FMN1: variants seen among roughly 807,000 people sequenced by gnomAD.
FMN1 encodes the protein formin 1, also known as formin-1.
FMN1 carries 110 observed loss-of-function variants against 132.4 expected under a neutral mutation model. That is an observed-to-expected ratio of 0.83 (90% CI 0.71 to 0.97). The LOEUF is 0.97. FMN1 is among the 50% of genes least tolerant of loss of function. FMN1 has a pLI of 0.00. For synonymous variants in FMN1, 722 were observed against 651.7 expected (o/e 1.11, Z -1.64); for missense variants, 1,792 against 1,705.3 (o/e 1.05, Z -0.90).
At chr15:33,124,722 G>A (rs764711052) in intron 4 of FMN1, among the ~76,000 whole-genome samples, 2 of 152,044 alleles carry the variant, frequency 1.3e-5, no homozygotes, top group African/African-American at 2.4e-5. Flanking sequence ...GGAAGGAGAG[G>A]GAGGAAATCT....
chr15:33,174,580 T>C (rs750027116), intron 3 of FMN1, among the ~76,000 whole-genome samples: 1 of 152,192 alleles, frequency 6.6e-6, no homozygotes, highest in Non-Finnish European at 1.5e-5. Flanking sequence ...TAGACCCCAA[T>C]CATCAACATT....
At chr15:33,087,790 T>G (rs1359591618) in intron 5 of FMN1, among the ~76,000 whole-genome samples, 2 of 127,782 alleles carry the variant, frequency 1.6e-5, no homozygotes, top group Non-Finnish European at 3.4e-5. Flanking sequence ...AAATGTGGTA[T>G]ATATTTACAT....
chr15:32,947,676 T>C (rs1052382588), intron 9 of FMN1, among the ~76,000 whole-genome samples: 5 of 152,076 alleles, frequency 3.3e-5, no homozygotes, highest in South Asian at 2.1e-4. Context: ...TTAGGTCTAT[T>C]TTAATGCTTT....
intron 3 of FMN1, among the ~76,000 whole-genome samples, chr15:33,161,693 C>A (rs112944816): frequency 6.6e-6 from 1 of 151,922 alleles, no homozygotes; most frequent in Non-Finnish European, 1.5e-5. Flanking sequence ...CTGAGGCGGG[C>A]GGATCACAAG....
chr15:33,075,926 G>A (rs962668078), intron 5 of FMN1, among the ~76,000 whole-genome samples: 3 of 152,258 alleles, frequency 2.0e-5, no homozygotes, highest in African/African-American at 7.2e-5. Context: ...AAAGATTACA[G>A]ACATGAAAAT....
intron 5 of FMN1, among the ~76,000 whole-genome samples, chr15:33,082,010 A>G (rs1396534804): frequency 1.4e-5 from 2 of 138,728 alleles, no homozygotes; most frequent in Non-Finnish European, 3.0e-5. Flanking sequence ...ATCAACAAGA[A>G]GAGTTCAGGG....
At chr15:33,050,155 G>A (rs1358585897) in intron 6 of FMN1, among the ~76,000 whole-genome samples, 1 of 152,218 alleles carries the variant, frequency 6.6e-6, no homozygotes, top group African/African-American at 2.4e-5. Context: ...GTGATGTTCA[G>A]TAGGTTAGGC....
At chr15:32,922,051 T>C (rs572881085) in intron 10 of FMN1, among the ~76,000 whole-genome samples, 1 of 152,332 alleles carries the variant, frequency 6.6e-6, no homozygotes, top group African/African-American at 2.4e-5. Flanking sequence ...ATCTTAACTT[T>C]TACAGGAAGA....
rs545506571 is a variant in FMN1, at chr15:32,856,696, C to A, written c.3928+319G>T. ...GACCACATCTGCCTTACATGTATGT[C>A]ATTTGTCAGTAAACACGGGCTAAGG... On this transcript the variant is annotated intron_variant, in intron 17 of 20. Coordinates refer to ENST00000616417, the MANE Select transcript of FMN1 (RefSeq NM_001277313.2). Among the ~76,000 whole-genome samples, 3 of 152,342 alleles carry A rather than the reference C, an allele frequency of 2.0e-5. No individual in the cohort carries two copies. The East Asian group carries it at 5.8e-4, about 29-fold the overall frequency.
intron 6 of FMN1, among the ~76,000 whole-genome samples, chr15:33,016,805 T>TAA (rs2140990302): frequency 6.6e-6 from 1 of 152,252 alleles, no homozygotes; most frequent in South Asian, 2.1e-4. Context: ...GATCTGATAG[T>TAA]AAAGGCTTTG....
chr15:33,123,281 A>G (rs4780082), intron 4 of FMN1, among the ~76,000 whole-genome samples: 89,075 of 151,502 alleles, frequency 0.59, 26,631 homozygotes, highest in African/African-American at 0.68. Context: ...CCAAATCAAA[A>G]CTGGGGTCAT....
intron 6 of FMN1, among the ~76,000 whole-genome samples, chr15:33,039,813 T>A (rs191557935): frequency 6.6e-6 from 1 of 152,218 alleles, no homozygotes; most frequent in African/African-American, 2.4e-5. Flanking sequence ...TATCTGTTCA[T>A]AAGAAAATAG....
chr15:32,856,669 A>G (rs1380359256), intron 17 of FMN1, among the ~76,000 whole-genome samples: 1 of 152,250 alleles, frequency 6.6e-6, no homozygotes, highest in Non-Finnish European at 1.5e-5. Flanking sequence ...TGTGAAATGC[A>G]TGACCACATC....
chr15:32,896,210 A>T (rs1265166578), intron 15 of FMN1, among the ~76,000 whole-genome samples: 2 of 152,006 alleles, frequency 1.3e-5, no homozygotes, highest in African/African-American at 4.8e-5. Context: ...TTGTGATGTT[A>T]GTCTATCATT....
At chr15:32,872,849 G>A (rs574930815) in intron 16 of FMN1, among the ~76,000 whole-genome samples, 10 of 151,916 alleles carry the variant, frequency 6.6e-5, no homozygotes, top group South Asian at 2.1e-4. Context: ...CACATTAACT[G>A]TAATTTTCTA....
intron 4 of FMN1, among the ~76,000 whole-genome samples, chr15:33,126,324 A>G (rs541107410): frequency 6.6e-6 from 1 of 152,256 alleles, no homozygotes; most frequent in African/African-American, 2.4e-5. Flanking sequence ...CAACAGTCTA[A>G]TAGAGAGGAG....
At chr15:33,007,955 TAGGAGAAA>T in intron 7 of FMN1, 51 bp downstream of exon 7, 1 of 1,405,680 alleles carries the variant, frequency 7.1e-7, no homozygotes, top group South Asian at 1.3e-5. Context: ...TACTTCAGCA[TAGGAGAAA>T]ACCAAGTATC....
chr15:32,857,139 A>G lies in FMN1; in HGVS notation c.3836-32T>C, dbSNP rs1382925248. 5 of 1,556,796 alleles carry G rather than the reference A, an allele frequency of 3.2e-6. No individual in the cohort carries two copies. The East Asian group carries it at 1.1e-4, about 35-fold the overall frequency. ...AGAGAAATTTAGAATTAGACTTAGG[A>G]ACACAGATTTGCTGAGCTCCTGCTA... is the stretch of plus-strand genomic sequence containing the variant. On this transcript the variant is annotated intron_variant, in intron 16 of 20. Coordinates refer to ENST00000616417, the MANE Select transcript of FMN1 (RefSeq NM_001277313.2).
rs75196943 is a variant in FMN1 at position 33,187,048 on chromosome 15, C to A, written c.-196-6786G>T. On this transcript the variant is annotated intron_variant, in intron 2 of 20. Transcript: ENST00000616417. ...AGTCATGTCTACAGGGACCCCACAC[C>A]TATATATTGGGGTCATTCCCAGAGA... 3.1e-3 allele frequency among the ~76,000 whole-genome samples: 468 copies of A among 152,260 alleles called. 4 individuals carry two copies. Among genetic ancestry groups the A allele is most frequent in the African/African-American group, 0.011 (455 of 41,548 alleles).
Sources: allele counts gnomAD v4.1 joint callset (sites outside exome capture counted in the v4.1 genomes callset), GRCh38; gene constraint gnomAD v4.1.1; transcripts MANE v1.5; gene names NCBI Gene and HGNC (gene_info 2026-07-23, HGNC 2026-07-21).